SNTB2: variants seen among roughly 807,000 people sequenced by gnomAD.
SNTB2 encodes beta-2-syntrophin.
In SNTB2, 34 loss-of-function variants were observed where a neutral mutation model predicts 46.2. The ratio of observed to expected loss-of-function variants is 0.74; its 90% confidence interval spans 0.56 to 0.98. The LOEUF (loss-of-function observed/expected upper bound fraction) is 0.98, where lower values mean the gene tolerates loss of function less well. SNTB2 is among the 50% of genes least tolerant of loss of function. The pLI, the probability that SNTB2 is intolerant of heterozygous loss-of-function variation, is 0.00. For synonymous variants in SNTB2, 290 were observed against 312.6 expected, an observed-to-expected ratio of 0.93 and a Z score of 0.76; for missense variants, 603 against 731.4, an observed-to-expected ratio of 0.82 and a Z score of 2.02.
chr16:69,277,145 G>T (rs1181520542), intron 4 of SNTB2, among the ~76,000 whole-genome samples: 2 of 152,196 alleles, frequency 1.3e-5, no homozygotes, highest in African/African-American at 2.4e-5. Flanking sequence ...CGTTTAGTGA[G>T]ACTTGGGTAT....
intron 4 of SNTB2, among the ~76,000 whole-genome samples, chr16:69,280,495 C>A (rs1221433020): frequency 2.0e-5 from 3 of 146,918 alleles, no homozygotes; most frequent in Non-Finnish European, 4.5e-5. Flanking sequence ...GGGGGGCTGA[C>A]CCCCCCACCT....
At chr16:69,289,461 C>T (rs1965138935) in intron 5 of SNTB2, among the ~76,000 whole-genome samples, 1 of 151,978 alleles carries the variant, frequency 6.6e-6, no homozygotes, top group South Asian at 2.1e-4. Context: ...AGCAATAATG[C>T]ATTGTATAAT....
intron 4 of SNTB2, among the ~76,000 whole-genome samples, chr16:69,271,428 C>T (rs1443440030): frequency 1.3e-5 from 2 of 151,988 alleles, no homozygotes; most frequent in African/African-American, 2.4e-5. Context: ...TTTTAAATCC[C>T]CACTAAATTA....
At chr16:69,222,409 A>G (rs534582291) in intron 1 of SNTB2, among the ~76,000 whole-genome samples, 42 of 152,204 alleles carry the variant, frequency 2.8e-4, no homozygotes, top group African/African-American at 9.6e-4. Flanking sequence ...CCTGGCCAAC[A>G]TGGTGAAACC....
intron 3 of SNTB2, 107 bp from the exon 4 acceptor site, chr16:69,270,036 T>C (rs1964923214): frequency 2.3e-6 from 3 of 1,277,690 alleles, no homozygotes; most frequent in Admixed American, 3.6e-5. Flanking sequence ...GTCCATCAGG[T>C]TGGGAAAACA....
At chr16:69,288,532 A>G (rs1965128412) in intron 5 of SNTB2, among the ~76,000 whole-genome samples, 1 of 152,202 alleles carries the variant, frequency 6.6e-6, no homozygotes, top group Non-Finnish European at 1.5e-5. Context: ...CAAAAGACAA[A>G]AAATAACAGA....
chr16:69,225,670 C>T (rs965649471), intron 1 of SNTB2, among the ~76,000 whole-genome samples: 1 of 152,178 alleles, frequency 6.6e-6, no homozygotes, highest in Non-Finnish European at 1.5e-5. Flanking sequence ...TTTTATTCCT[C>T]AAGTAAATAA....
chr16:69,259,394 G>A (rs1382049687), intron 2 of SNTB2, among the ~76,000 whole-genome samples: 1 of 150,956 alleles, frequency 6.6e-6, no homozygotes. Flanking sequence ...CCCAACGCCC[G>A]GCTAAATTTT....
intron 1 of SNTB2, among the ~76,000 whole-genome samples, chr16:69,234,830 G>A (rs1438607222): frequency 6.6e-6 from 1 of 151,914 alleles, no homozygotes; most frequent in South Asian, 2.1e-4. Flanking sequence ...AGCCTCCCAG[G>A]TAGCTGGGAT....
At chr16:69,199,932 TGA>T (rs1964144706) in intron 1 of SNTB2, among the ~76,000 whole-genome samples, 1 of 152,126 alleles carries the variant, frequency 6.6e-6, no homozygotes, top group African/African-American at 2.4e-5. Flanking sequence ...TTTTTTTTTT[TGA>T]GACAGAATCT....
chr16:69,209,844 C>T (rs1353894005), intron 1 of SNTB2, among the ~76,000 whole-genome samples: 1 of 151,946 alleles, frequency 6.6e-6, no homozygotes, highest in Non-Finnish European at 1.5e-5. Flanking sequence ...ATGAGTCCCC[C>T]ACCTCAAGAT....
intron 1 of SNTB2, among the ~76,000 whole-genome samples, chr16:69,198,798 A>G (rs1044837335): frequency 6.6e-6 from 1 of 152,228 alleles, no homozygotes; most frequent in South Asian, 2.1e-4. Flanking sequence ...CTTCCAGCTC[A>G]TATTTTACAA....
intron 2 of SNTB2, among the ~76,000 whole-genome samples, chr16:69,248,371 C>T (rs113509192): frequency 1.3e-5 from 2 of 152,094 alleles, no homozygotes; most frequent in Non-Finnish European, 2.9e-5. Flanking sequence ...AGGTGGCTCA[C>T]GCCTGTAATC....
At chr16:69,245,187 TTTTGTTTG>T (rs537558869) in intron 1 of SNTB2, among the ~76,000 whole-genome samples, 10 of 152,024 alleles carry the variant, frequency 6.6e-5, no homozygotes, top group African/African-American at 2.2e-4. Flanking sequence ...TTCCCCCATT[TTTTGTTTG>T]TTTGTTTGTT....
At chr16:69,223,529 T>C (rs1387519943) in intron 1 of SNTB2, among the ~76,000 whole-genome samples, 1 of 152,034 alleles carries the variant, frequency 6.6e-6, no homozygotes, top group African/African-American at 2.4e-5. Context: ...TACAGTCTCT[T>C]TATGGTTTTC....
At chr16:69,260,283 G>A in intron 3 of SNTB2, 23 bp downstream of exon 3, 2 of 1,607,150 alleles carry the variant, frequency 1.2e-6, no homozygotes, top group Non-Finnish European at 8.5e-7. Context: ...GCAGGGCAGA[G>A]TATCACCTGG....
chr16:69,278,744 C>T (rs942000715), intron 4 of SNTB2, among the ~76,000 whole-genome samples: 20 of 152,204 alleles, frequency 1.3e-4, no homozygotes, highest in African/African-American at 4.8e-4. Flanking sequence ...GCATGAGCCA[C>T]CACACCCAGC....
At chr16:69,246,191 G>T (rs1179781536) in intron 2 of SNTB2, among the ~76,000 whole-genome samples, 1 of 152,176 alleles carries the variant, frequency 6.6e-6, no homozygotes, top group African/African-American at 2.4e-5. Context: ...GATATTGGCT[G>T]TGGGTTTGTC....
intron 1 of SNTB2, among the ~76,000 whole-genome samples, chr16:69,207,154 C>CTTTCTTTT (rs771500331): frequency 2.0e-4 from 25 of 126,466 alleles, no homozygotes; most frequent in Non-Finnish European, 2.8e-4. Flanking sequence ...TTCTTTCTTT[C>CTTTCTTTT]TTTTTTTTTT....
Sources: allele counts gnomAD v4.1 joint callset (sites outside exome capture counted in the v4.1 genomes callset), GRCh38; gene constraint gnomAD v4.1.1; transcripts MANE v1.5; gene names NCBI Gene and HGNC (gene_info 2026-07-23, HGNC 2026-07-21).